The following KAT6B variants were observed in gnomAD, a reference collection of about 807,000 sequenced individuals.
KAT6B encodes lysine acetyltransferase 6B, also known as histone acetyltransferase KAT6B.
KAT6B carries 10 observed loss-of-function variants against 187.5 expected under a neutral mutation model. That is an observed-to-expected ratio of 0.05 (90% CI 0.03 to 0.09). The LOEUF is 0.09. Ranked by LOEUF, KAT6B falls within the 10% of genes least tolerant of loss-of-function variation. The pLI, the probability that KAT6B is intolerant of heterozygous loss-of-function variation, is 1.00. For missense variants in KAT6B, 1,952 were observed against 2,558.9 expected (o/e 0.76, Z 5.12); for synonymous variants, 861 against 926.8 (o/e 0.93, Z 1.29).
At chr10:74,877,819 A>AT (rs1298595141) in intron 3 of KAT6B, among the ~76,000 whole-genome samples, 2 of 152,084 alleles carry the variant, frequency 1.3e-5, no homozygotes, top group African/African-American at 4.8e-5. Flanking sequence ...TTTAGGAGTA[A>AT]TTTATGTTTG....
intron 13 of KAT6B, among the ~76,000 whole-genome samples, chr10:75,013,662 A>G (rs950793574): frequency 2.0e-5 from 3 of 152,240 alleles, no homozygotes; most frequent in Admixed American, 1.3e-4. Context: ...AATAATAATC[A>G]TAGCTAACAC....
chr10:74,837,362 C>T (rs1841376480), intron 1 of KAT6B, among the ~76,000 whole-genome samples: 1 of 152,090 alleles, frequency 6.6e-6, no homozygotes, highest in South Asian at 2.1e-4. Flanking sequence ...TGATGTAGCA[C>T]AAATCCCCAG....
At chr10:74,996,303 G>A (rs1174882959) in intron 13 of KAT6B, among the ~76,000 whole-genome samples, 1 of 152,180 alleles carries the variant, frequency 6.6e-6, no homozygotes, top group Admixed American at 6.5e-5. Flanking sequence ...TGGACAGTAT[G>A]CCTTGAGAGC....
chr10:74,996,848 T>G (rs1248967625), intron 13 of KAT6B, among the ~76,000 whole-genome samples: 3 of 148,586 alleles, frequency 2.0e-5, no homozygotes, highest in Non-Finnish European at 3.0e-5. Flanking sequence ...AAGGACATCA[T>G]AACCATCAAA....
chr10:74,909,814 T>C (rs1355034065), intron 3 of KAT6B, among the ~76,000 whole-genome samples: 3 of 152,152 alleles, frequency 2.0e-5, no homozygotes, highest in Non-Finnish European at 1.5e-5. Context: ...TATGGAGCAG[T>C]TGTAGTATTT....
intron 3 of KAT6B, among the ~76,000 whole-genome samples, chr10:74,952,934 A>T (rs1840425505): frequency 6.9e-6 from 1 of 144,870 alleles, no homozygotes; most frequent in Non-Finnish European, 1.5e-5. Context: ...TCCTGACCTC[A>T]GGTGATCTGC....
chr10:74,944,090 C>T (rs2133322882), intron 3 of KAT6B, among the ~76,000 whole-genome samples: 1 of 152,266 alleles, frequency 6.6e-6, no homozygotes, highest in Non-Finnish European at 1.5e-5. Flanking sequence ...GGCAACAAAG[C>T]AGCACTGGAT....
chr10:75,013,416 G>C (rs992200439), intron 13 of KAT6B, among the ~76,000 whole-genome samples: 1 of 151,730 alleles, frequency 6.6e-6, no homozygotes, highest in South Asian at 2.1e-4. Context: ...TAGCTGGGGG[G>C]AGGGGAGAGG....
intron 3 of KAT6B, among the ~76,000 whole-genome samples, chr10:74,887,988 A>C (rs1845403415): frequency 6.6e-6 from 1 of 152,106 alleles, no homozygotes; most frequent in African/African-American, 2.4e-5. Flanking sequence ...CCTGTCTGGA[A>C]AAAAAAAGAG....
At chr10:74,920,764 G>A (rs1421876760) in intron 3 of KAT6B, among the ~76,000 whole-genome samples, 1 of 152,030 alleles carries the variant, frequency 6.6e-6, no homozygotes, top group Admixed American at 6.5e-5. Flanking sequence ...CTTTTCGTTC[G>A]TAAGACTGCT....
chr10:75,031,646 A>G lies in KAT6B; in HGVS notation c.*600A>G, dbSNP rs1348035087. 1 of 211,526 alleles carries G rather than the reference A, an allele frequency of 4.7e-6. No homozygotes were observed. The highest frequency in any genetic ancestry group is 7.1e-5 in the East Asian group (1 of 14,000). The allele number at this position is 211,526 out of a possible 1,614,324, so 13.1% of individuals were successfully genotyped here. ...AAACTATATTTTTGTTAATTATAAA[A>G]CTGTAAAGAGCTATAAAAGCTATTC... On this transcript the variant is annotated 3_prime_UTR_variant, in exon 18 of 18. Coordinates refer to ENST00000287239, the MANE Select transcript of KAT6B (RefSeq NM_012330.4).
At chr10:74,851,194 G>A (rs1014597163) in intron 3 of KAT6B, among the ~76,000 whole-genome samples, 5 of 151,758 alleles carry the variant, frequency 3.3e-5, no homozygotes, top group South Asian at 2.1e-4. Flanking sequence ...TGCAGCTGCC[G>A]CCTCTCGGGT....
At chr10:74,999,275 C>T (rs557270690) in intron 13 of KAT6B, among the ~76,000 whole-genome samples, 54 of 152,272 alleles carry the variant, frequency 3.5e-4, no homozygotes, top group African/African-American at 1.2e-3. Context: ...AGATAGTGAG[C>T]GCAGCTTTAT....
At chr10:75,008,026 G>A (rs753802830) in intron 13 of KAT6B, among the ~76,000 whole-genome samples, 2 of 152,186 alleles carry the variant, frequency 1.3e-5, no homozygotes, top group Non-Finnish European at 2.9e-5. Flanking sequence ...GAAGTGTTGA[G>A]TCTAGTTCAT....
intron 13 of KAT6B, among the ~76,000 whole-genome samples, chr10:74,994,630 C>A (rs894607304): frequency 1.3e-5 from 2 of 151,150 alleles, no homozygotes; most frequent in South Asian, 2.1e-4. Flanking sequence ...AAAAAAAAAA[C>A]ACAAAAATGA....
chr10:75,029,831 C>T lies in KAT6B; in HGVS notation c.5007C>T (p.Asp1669=). The change falls in exon 18 of 18, where the codon GAC becomes GAT. Residue 1669 remains aspartate (D), a synonymous_variant. Coordinates refer to ENST00000287239, the MANE Select transcript of KAT6B (RefSeq NM_012330.4). This position sits in a 1 kb window ranked among gnomAD's most constrained non-coding sequence, Gnocchi z 6.2. ...SQQVVDSGFS[D]LGSIESTTEN... is the part of the protein sequence containing the mutation. ...AAGTCGTAGACAGTGGATTTAGTGA[C>T]CTGGGCAGTATCGAGAGCACAACTG... is the stretch of plus-strand genomic sequence containing the variant. 2 of 1,614,204 alleles carry T rather than the reference C, an allele frequency of 1.2e-6. No individual in the cohort carries two copies. The highest frequency in any genetic ancestry group is 1.1e-5 in the South Asian group (1 of 91,084).
chr10:74,937,823 T>TA (rs1231358150), intron 3 of KAT6B, among the ~76,000 whole-genome samples: 10 of 152,250 alleles, frequency 6.6e-5, no homozygotes, highest in African/African-American at 9.6e-5. Flanking sequence ...CTTCTGCTAT[T>TA]ACTGCTATGA....
At chr10:74,980,657 C>G (rs534714817) in intron 10 of KAT6B, among the ~76,000 whole-genome samples, 2 of 152,216 alleles carry the variant, frequency 1.3e-5, no homozygotes, top group Non-Finnish European at 2.9e-5. Flanking sequence ...CTCTTGAAAA[C>G]CTTTTTCCCC....
intron 3 of KAT6B, among the ~76,000 whole-genome samples, chr10:74,899,554 C>T (rs886966022): frequency 2.6e-5 from 4 of 152,148 alleles, no homozygotes; most frequent in Non-Finnish European, 5.9e-5. Flanking sequence ...GGATTACAGG[C>T]ATGAGCCACC....
Sources: gnomAD v4.1 joint callset for allele counts (sites outside exome capture counted in the v4.1 genomes callset) on GRCh38, gnomAD v4.1.1 for gene constraint, Gnocchi (gnomAD v3.1) non-coding constraint, MANE v1.5 for transcripts, NCBI Gene and HGNC (gene_info 2026-07-23, HGNC 2026-07-21) for gene names.